Variants in NKAIN2 observed in about 807,000 individuals in gnomAD.
NKAIN2 encodes sodium/potassium transporting ATPase interacting 2.
In NKAIN2, 14 loss-of-function variants were observed where a neutral mutation model predicts 32.6. The observed-to-expected ratio is 0.43, with a 90% confidence interval of 0.28 to 0.67. The LOEUF is 0.67. NKAIN2 is among the 30% of genes least tolerant of loss of function. The probability of loss-of-function intolerance (pLI) is 0.17; values close to 1 mark genes in which losing one functional copy is unlikely to be tolerated. For missense variants in NKAIN2, 198 were observed against 258.3 expected (o/e 0.77, Z 1.60); for synonymous variants, 80 against 87.2 (o/e 0.92, Z 0.46).
chr6:124,119,025 T>A (rs1365051588), intron 1 of NKAIN2, among the ~76,000 whole-genome samples: 1 of 152,144 alleles, frequency 6.6e-6, no homozygotes, highest in Non-Finnish European at 1.5e-5. Flanking sequence ...ATCTAGTCTG[T>A]AACTTCTCAG....
At chr6:123,980,439 C>T (rs1438289538) in intron 1 of NKAIN2, among the ~76,000 whole-genome samples, 1 of 152,176 alleles carries the variant, frequency 6.6e-6, no homozygotes, top group Non-Finnish European at 1.5e-5. Context: ...TTATACATTA[C>T]TAATGGCTGG....
chr6:124,341,809 T>C (rs12110704), intron 2 of NKAIN2, among the ~76,000 whole-genome samples: 1,612 of 152,312 alleles, frequency 0.011, 27 homozygotes, highest in African/African-American at 0.037. Flanking sequence ...GACAGGTTTA[T>C]ATAGGTTGAT....
chr6:124,015,509 T>A (rs1459680359), intron 1 of NKAIN2, among the ~76,000 whole-genome samples: 1 of 152,192 alleles, frequency 6.6e-6, no homozygotes, highest in East Asian at 1.9e-4. Context: ...ACAGTATGCT[T>A]CATGCTTGAA....
At chr6:124,007,165 C>T (rs1484268229) in intron 1 of NKAIN2, among the ~76,000 whole-genome samples, 2 of 152,118 alleles carry the variant, frequency 1.3e-5, no homozygotes, top group Admixed American at 6.5e-5. Context: ...AATTGTAGCA[C>T]AAATGTAAGT....
chr6:124,786,313 T>C (rs1331613293), intron 4 of NKAIN2, among the ~76,000 whole-genome samples: 1 of 152,120 alleles, frequency 6.6e-6, no homozygotes, highest in African/African-American at 2.4e-5. Flanking sequence ...TGTTCAGAGT[T>C]TTTAGTTATA....
intron 3 of NKAIN2, among the ~76,000 whole-genome samples, chr6:124,394,788 G>T (rs1773304516): frequency 1.3e-5 from 2 of 152,114 alleles, no homozygotes; most frequent in Admixed American, 1.3e-4. Context: ...CTCAGTCTAT[G>T]AATTCAAATG....
At chr6:124,028,430 T>C (rs954007812) in intron 1 of NKAIN2, among the ~76,000 whole-genome samples, 2 of 148,914 alleles carry the variant, frequency 1.3e-5, no homozygotes, top group Admixed American at 6.7e-5. Flanking sequence ...TTAGGAGATA[T>C]ACCTAATGCT....
intron 1 of NKAIN2, among the ~76,000 whole-genome samples, chr6:124,181,539 T>C (rs566831557): frequency 1.4e-4 from 22 of 152,280 alleles, no homozygotes; most frequent in African/African-American, 5.3e-4. Context: ...ACCATATCTC[T>C]GTGAATAAAT....
chr6:124,786,396 ATAGAT>A (rs1779508075), intron 4 of NKAIN2, among the ~76,000 whole-genome samples: 1 of 152,130 alleles, frequency 6.6e-6, no homozygotes, highest in Admixed American at 6.6e-5. Context: ...CCAGAATGTA[ATAGAT>A]TAAACGCTAA....
At chr6:124,679,116 C>G (rs1474402165) in intron 4 of NKAIN2, among the ~76,000 whole-genome samples, 1 of 152,012 alleles carries the variant, frequency 6.6e-6, no homozygotes, top group African/African-American at 2.4e-5. Context: ...CCAAGACAGT[C>G]AAGAGAGAAG....
Position 124,429,262 on chromosome 6 carries a change from G to T in NKAIN2, c.273+73915G>T, listed in dbSNP as rs1020324666. Among the ~76,000 whole-genome samples the T allele has an allele frequency of 5.3e-5, 8 of 151,286 alleles. 1 individual carries two copies. Among genetic ancestry groups the T allele is most frequent in the Non-Finnish European group, 1.2e-4 (8 of 67,874 alleles). ...GAGGTTTCACTGTTTTGGTCAGGCT[G>T]GTCTTGAACTCCTGACCTCATATGA... On this transcript the variant is annotated intron_variant, in intron 3 of 6. Transcript: ENST00000368417.
chr6:124,323,783 TC>T (rs371565553), intron 2 of NKAIN2, among the ~76,000 whole-genome samples: 5,823 of 146,246 alleles, frequency 0.04, 499 homozygotes, highest in African/African-American at 0.15. Flanking sequence ...TTTAATTTTT[TC>T]TTTTTTTTTT....
chr6:124,040,802 T>G (rs904827167), intron 1 of NKAIN2, among the ~76,000 whole-genome samples: 1 of 151,940 alleles, frequency 6.6e-6, no homozygotes. Context: ...TTCCCATATA[T>G]AAAAAGGGAA....
chr6:124,738,877 T>C (rs183678626), intron 4 of NKAIN2, among the ~76,000 whole-genome samples: 15 of 152,068 alleles, frequency 9.9e-5, no homozygotes, highest in Middle Eastern at 6.8e-3. Context: ...ACCTGCAATG[T>C]ATTACACACA....
At chr6:124,104,521 G>A (rs930475487) in intron 1 of NKAIN2, among the ~76,000 whole-genome samples, 2 of 151,978 alleles carry the variant, frequency 1.3e-5, no homozygotes, top group African/African-American at 2.4e-5. Flanking sequence ...TTCATCTTTT[G>A]CACTTATATG....
chr6:124,586,953 C>A (rs1246050029), intron 3 of NKAIN2, among the ~76,000 whole-genome samples: 1 of 152,188 alleles, frequency 6.6e-6, no homozygotes, highest in Non-Finnish European at 1.5e-5. Context: ...CCCATTTATA[C>A]AACTCCTCTT....
intron 3 of NKAIN2, among the ~76,000 whole-genome samples, chr6:124,583,870 G>T (rs1249098824): frequency 6.6e-6 from 1 of 152,058 alleles, no homozygotes; most frequent in South Asian, 2.1e-4. Context: ...TTCCATAAAG[G>T]TGCCAAGAAC....
intron 2 of NKAIN2, among the ~76,000 whole-genome samples, chr6:124,330,183 C>T (rs1055589563): frequency 2.0e-5 from 3 of 152,202 alleles, no homozygotes; most frequent in African/African-American, 7.2e-5. Context: ...ACTATTATCA[C>T]ACCATCTATT....
Position 124,565,506 on chromosome 6 carries a change from G to A in NKAIN2, c.274-92680G>A, listed in dbSNP as rs147957350. Among the ~76,000 whole-genome samples, 152 of 152,220 alleles carry A rather than the reference G, an allele frequency of 1.0e-3. No homozygotes were observed. The Middle Eastern group carries it at 0.024, about 24-fold the overall frequency. ...CTAAATAGCTATTTTATCTCAATAT[G>A]GGGTTAAGACCAGTTTTCCCTGGAT... is the stretch of plus-strand genomic sequence containing the variant. On this transcript the variant is annotated intron_variant, in intron 3 of 6. Transcript: ENST00000368417.
Sources: allele counts gnomAD v4.1 joint callset (sites outside exome capture counted in the v4.1 genomes callset), GRCh38; gene constraint gnomAD v4.1.1; transcripts MANE v1.5; gene names NCBI Gene and HGNC (gene_info 2026-07-23, HGNC 2026-07-21).